Variants in PDCD10 observed in about 807,000 individuals in gnomAD.
PDCD10 encodes programmed cell death 10.
Under a neutral mutation model 29.2 loss-of-function variants are expected in PDCD10, and 4 were observed. That is an observed-to-expected ratio of 0.14 (90% confidence interval 0.07 to 0.31). PDCD10 has a LOEUF of 0.31. Among genes scored for constraint, PDCD10 ranks in the 10% least tolerant of loss-of-function variants. The pLI, the probability that PDCD10 is intolerant of heterozygous loss-of-function variation, is 1.00. For missense variants in PDCD10, 183 were observed against 257.9 expected, an observed-to-expected ratio of 0.71 and a Z score of 1.99; for synonymous variants, 70 against 82.2, an observed-to-expected ratio of 0.85 and a Z score of 0.80.
At chr3:167,687,408 T>C (rs897264177) in intron 7 of PDCD10, 92 bp from the exon 8 acceptor site, 4 of 799,174 alleles carry the variant, frequency 5.0e-6, no homozygotes, top group Middle Eastern at 2.4e-4. Context: ...ACACAGGATA[T>C]GGGATGCACT....
At chr3:167,699,936 A>G (rs1013997815) in intron 4 of PDCD10, among the ~76,000 whole-genome samples, 3 of 152,146 alleles carry the variant, frequency 2.0e-5, no homozygotes, top group Admixed American at 2.0e-4. Flanking sequence ...ATAAAAACAC[A>G]TGTTATGAAT....
intron 2 of PDCD10, chr3:167,730,954 T>C (rs1724740105): frequency 6.6e-6 from 1 of 151,956 alleles, no homozygotes; most frequent in Non-Finnish European, 1.5e-5. Context: ...GTATAATTCA[T>C]AGGAAGATAG....
chr3:167,691,009 T>G (rs1720172310), intron 6 of PDCD10, among the ~76,000 whole-genome samples: 1 of 152,230 alleles, frequency 6.6e-6, no homozygotes, highest in African/African-American at 2.4e-5. Flanking sequence ...CTATAGTACT[T>G]GGTGTAATAT....
chr3:167,715,110 G>A (rs1455697542), intron 3 of PDCD10, among the ~76,000 whole-genome samples: 1 of 151,304 alleles, frequency 6.6e-6, no homozygotes, highest in East Asian at 1.9e-4. Context: ...TGAAACAAAT[G>A]CATATGCCTA....
At chr3:167,704,798 A>G (rs773641350) in intron 4 of PDCD10, 44 bp downstream of exon 4, 5 of 1,334,520 alleles carry the variant, frequency 3.7e-6, no homozygotes, top group Non-Finnish European at 2.2e-6. Flanking sequence ...ACATTTACAA[A>G]GAACATACAC....
chr3:167,714,813 T>C (rs1005689561), intron 3 of PDCD10, among the ~76,000 whole-genome samples: 2 of 151,800 alleles, frequency 1.3e-5, no homozygotes, highest in Non-Finnish European at 3.0e-5. Context: ...AAAGATATTC[T>C]ATGTTAATGG....
chr3:167,720,614 C>T (rs1402230861), intron 2 of PDCD10, among the ~76,000 whole-genome samples: 1 of 151,978 alleles, frequency 6.6e-6, no homozygotes, highest in Non-Finnish European at 1.5e-5. Flanking sequence ...GAATAAGACA[C>T]ATACTTATAA....
At chr3:167,698,324 T>A (rs1318647977) in intron 4 of PDCD10, among the ~76,000 whole-genome samples, 1 of 152,224 alleles carries the variant, frequency 6.6e-6, no homozygotes, top group Non-Finnish European at 1.5e-5. Context: ...TGAATCCTGT[T>A]TCTTTTACAG....
chr3:167,683,802 T>A lies in PDCD10; in HGVS notation c.*506A>T, dbSNP rs1425325443. 6.7e-6 allele frequency: 1 copy of A among 149,590 alleles called. No homozygotes were observed. Among genetic ancestry groups the A allele is most frequent in the African/African-American group, 2.4e-5 (1 of 41,006 alleles). 9.3% of individuals were successfully genotyped at this position (149,590 alleles called of 1,614,324 possible). A position where few individuals can be genotyped will look rare whatever the true frequency, so the allele number is the denominator to read the frequency against. The stretch of plus-strand genomic sequence containing the variant: ...CTGCTGATAAGCTCCCATTAGAAGT[T>A]TTTTAGACATTACACCAAGTTGTCT... On this transcript the variant is annotated 3_prime_UTR_variant, in exon 9 of 9. Transcript: ENST00000392750.
intron 3 of PDCD10, among the ~76,000 whole-genome samples, chr3:167,718,039 T>C (rs1371860840): frequency 6.6e-6 from 1 of 152,060 alleles, no homozygotes; most frequent in Non-Finnish European, 1.5e-5. Flanking sequence ...CAATAACTTA[T>C]CAATTCAGAA....
chr3:167,712,375 AATCAGTG>A (rs2108460252), intron 3 of PDCD10, among the ~76,000 whole-genome samples: 1 of 152,228 alleles, frequency 6.6e-6, no homozygotes, highest in South Asian at 2.1e-4. Context: ...TTATTTATGT[AATCAGTG>A]ATAAGCTGAC....
chr3:167,729,600 G>C (rs1266923235), intron 2 of PDCD10, among the ~76,000 whole-genome samples: 4 of 152,096 alleles, frequency 2.6e-5, no homozygotes, highest in African/African-American at 9.7e-5. Context: ...TACCTCGAAG[G>C]GTTGTCGTAA....
At chr3:167,711,092 C>T (rs1187497198) in intron 3 of PDCD10, among the ~76,000 whole-genome samples, 1 of 152,114 alleles carries the variant, frequency 6.6e-6, no homozygotes, top group Non-Finnish European at 1.5e-5. Context: ...ACAATAAATA[C>T]CTAACTCTTC....
intron 3 of PDCD10, among the ~76,000 whole-genome samples, chr3:167,714,892 T>TA (rs1448087696): frequency 6.6e-6 from 1 of 151,904 alleles, no homozygotes. Flanking sequence ...ATGTAATCCC[T>TA]AGCAAAACAC....
At chr3:167,723,201 G>A (rs1180136264) in intron 2 of PDCD10, among the ~76,000 whole-genome samples, 2 of 152,168 alleles carry the variant, frequency 1.3e-5, no homozygotes, top group Non-Finnish European at 2.9e-5. Flanking sequence ...GTTAAAATAT[G>A]CCTTTGTCAT....
chr3:167,720,325 C>A, intron 2 of PDCD10, 52 bp from the exon 3 acceptor site: 1 of 582,172 alleles, frequency 1.7e-6, no homozygotes, highest in Non-Finnish European at 3.1e-6. Context: ...GGAGAAACGA[C>A]AAATACCAAT....
chr3:167,731,597 T>TG (rs1724820680), intron 2 of PDCD10, among the ~76,000 whole-genome samples: 2 of 152,220 alleles, frequency 1.3e-5, no homozygotes, highest in Admixed American at 1.3e-4. Context: ...ATGAATACAC[T>TG]CCTTCATTCA....
At chr3:167,692,067 A>C (rs190728555) in intron 6 of PDCD10, among the ~76,000 whole-genome samples, 121 of 152,350 alleles carry the variant, frequency 7.9e-4, no homozygotes, top group Middle Eastern at 3.4e-3. Flanking sequence ...TTAAATGTCA[A>C]ATCTTCATAG....
chr3:167,723,721 C>A (rs1285053852), intron 2 of PDCD10, among the ~76,000 whole-genome samples: 6 of 152,188 alleles, frequency 3.9e-5, no homozygotes, highest in Non-Finnish European at 7.3e-5. Context: ...GCTTTGTGTA[C>A]TGTTGGCATC....
Sources: gnomAD v4.1 joint callset for allele counts (sites outside exome capture counted in the v4.1 genomes callset) on GRCh38, gnomAD v4.1.1 for gene constraint, MANE v1.5 for transcripts, NCBI Gene and HGNC (gene_info 2026-07-23, HGNC 2026-07-21) for gene names.